SLC5A10: variants seen among roughly 807,000 people sequenced by gnomAD.
The protein encoded by SLC5A10 is solute carrier family 5 member 10.
In SLC5A10, 55 loss-of-function variants were observed where a neutral mutation model predicts 68.9. The ratio of observed to expected loss-of-function variants is 0.80; its 90% CI spans 0.64 to 1.00. The LOEUF is 1.00. Among genes scored for constraint, SLC5A10 ranks in the 50% least tolerant of loss-of-function variants. SLC5A10 has a pLI of 0.00. For missense variants in SLC5A10, 732 were observed against 819.3 expected, an observed-to-expected ratio of 0.89 and a Z score of 1.30; for synonymous variants, 344 against 344.8, an observed-to-expected ratio of 1.00 and a Z score of 0.02.
chr17:18,953,803 T>C (rs1254934021), intron 1 of SLC5A10: 2 of 152,648 alleles, frequency 1.3e-5, no homozygotes, highest in African/African-American at 4.8e-5. Flanking sequence ...GCATCTCAGA[T>C]TTTAGAGTTT....
chr17:18,950,740 G>A, upstream of SLC5A10: 4 of 973,994 alleles, frequency 4.1e-6, no homozygotes, highest in Non-Finnish European at 3.7e-6. Flanking sequence ...TTGTGAGATG[G>A]AGTCTCCCTC....
intron 11 of SLC5A10, among the ~76,000 whole-genome samples, chr17:19,016,457 C>T (rs1321771181): frequency 6.6e-6 from 1 of 152,148 alleles, no homozygotes; most frequent in African/African-American, 2.4e-5. Context: ...CAGTGTGGCT[C>T]ACACTCTGCT....
At chr17:18,962,408 C>G (rs2042628903) in intron 5 of SLC5A10, among the ~76,000 whole-genome samples, 1 of 152,078 alleles carries the variant, frequency 6.6e-6, no homozygotes, top group Non-Finnish European at 1.5e-5. Flanking sequence ...CTAAGTCAGA[C>G]ACTTCTGGGG....
chr17:18,977,730 G>A lies in SLC5A10; in HGVS notation c.982+741G>A, dbSNP rs201669881. 5.2e-5 allele frequency: 84 copies of A among 1,608,232 alleles called. 1 individual carries two copies. Among genetic ancestry groups the A allele is most frequent in the Admixed American group, 2.4e-4 (14 of 59,516 alleles). On this transcript the variant is annotated intron_variant, in intron 9 of 14. Transcript: ENST00000395645. ...ATATGGGGGGCACTCAGCTGCCGGC[G>A]CGGTGGTGGGGTTGGCCCGTTGGCC...
Position 19,019,910 on chromosome 17 carries a change from AC to A in SLC5A10, c.1613del (p.Pro538HisfsTer124). 6.2e-7 allele frequency: 1 copy of A among 1,606,684 alleles called. No homozygotes were observed. The highest frequency in any genetic ancestry group is 8.5e-7 in the Non-Finnish European group (1 of 1,177,758). ...TGGTGGCTGGAAGCCTGCTGACCCCACCCCCACAGAGTGTCCAGGTGAGCCA... is the reference window on the plus strand; with the variant it reads ...TGGTGGCTGGAAGCCTGCTGACCCCACCCCACAGAGTGTCCAGGTGAGCCA... ...VVVAGSLLTP[P>X]PQSVQIENLT... is the part of the protein sequence containing the mutation. On this transcript the variant is annotated frameshift_variant, in exon 13 of 15. Coordinates refer to ENST00000395645, the MANE Select transcript of SLC5A10 (RefSeq NM_001042450.4). LOFTEE classifies it high-confidence loss of function.
intron 9 of SLC5A10, among the ~76,000 whole-genome samples, chr17:19,011,092 G>C (rs2152150435): frequency 6.6e-6 from 1 of 152,338 alleles, no homozygotes; most frequent in South Asian, 2.1e-4. Flanking sequence ...CTGGGACTTG[G>C]AGATGATTCA....
intron 3 of SLC5A10, 120 bp downstream of exon 3, chr17:18,959,359 G>A: frequency 1.8e-6 from 2 of 1,093,334 alleles, no homozygotes; most frequent in South Asian, 2.8e-5. Context: ...GCTCTGTGCA[G>A]TGCTGTTCCT....
rs149122071 is a variant in SLC5A10, at chr17:18,975,411, C to T, written c.847-1443C>T. ...AGTAAGTTAAAATCACGGAGGCAGC[C>T]GGATGCGGTGGCTCACACCTGTAAT... On this transcript the variant is annotated intron_variant, in intron 8 of 14. Transcript: ENST00000395645. 2.0e-5 allele frequency among the ~76,000 whole-genome samples: 3 copies of T among 152,262 alleles called. No individual in the cohort carries two copies. In the East Asian group the frequency reaches 5.8e-4, roughly 29 times the overall value.
At chr17:18,966,777 CGGTTGCTCCT>C (rs976425191) in intron 5 of SLC5A10, among the ~76,000 whole-genome samples, 1 of 142,640 alleles carries the variant, frequency 7.0e-6, no homozygotes, top group African/African-American at 2.5e-5. Context: ...CAACACTCTG[CGGTTGCTCCT>C]GGGTCACTGG....
chr17:18,971,065 C>A lies in SLC5A10; in HGVS notation c.693C>A (p.Ala231=), dbSNP rs1029477333. The change falls in exon 8 of 15, where the codon GCC becomes GCA. Residue 231 remains alanine (A), a synonymous_variant. Coordinates refer to ENST00000395645, the MANE Select transcript of SLC5A10 (RefSeq NM_001042450.4). This position sits in a 1 kb window ranked among gnomAD's most constrained non-coding sequence, Gnocchi z 5.5. Reference sequence around the variant, plus strand: ...AGCTGGAGGCAGCCTACGCCCAGGCCATTCCCTCCAGGACCATTGCCAACA... The same window carrying A: ...AGCTGGAGGCAGCCTACGCCCAGGCAATTCCCTCCAGGACCATTGCCAACA... ...YGQLEAAYAQ[A]IPSRTIANTT... 6.2e-7 allele frequency: 1 copy of A among 1,614,112 alleles called. No individual in the cohort carries two copies.
chr17:19,001,065 A>C (rs75511380), intron 9 of SLC5A10, among the ~76,000 whole-genome samples: 1,917 of 152,338 alleles, frequency 0.013, 36 homozygotes, highest in African/African-American at 0.042. Context: ...AGAACTAGCT[A>C]GGTGACCTTG....
At chr17:18,994,638 C>T (rs113369484) in intron 9 of SLC5A10, among the ~76,000 whole-genome samples, 18 of 152,282 alleles carry the variant, frequency 1.2e-4, no homozygotes, top group African/African-American at 4.1e-4. Context: ...AGTGTATGTG[C>T]CCCCAGCCAG....
chr17:18,963,285 C>T (rs1049515906), intron 5 of SLC5A10, among the ~76,000 whole-genome samples: 6 of 152,220 alleles, frequency 3.9e-5, no homozygotes, highest in African/African-American at 9.6e-5. Context: ...CAGGTCACAG[C>T]GAGTCAGGCA....
chr17:18,980,343 C>T (rs768667083), intron 9 of SLC5A10, among the ~76,000 whole-genome samples: 1 of 152,092 alleles, frequency 6.6e-6, no homozygotes, highest in Admixed American at 6.5e-5. Context: ...AATTCTGTGC[C>T]GGCTTACACT....
rs768690321 is a variant in SLC5A10 at position 18,971,577 on chromosome 17, G to T, written c.846+359G>T. On this transcript the variant is annotated intron_variant, in intron 8 of 14. Transcript: ENST00000395645. This position sits in a 1 kb window ranked among gnomAD's most constrained non-coding sequence, Gnocchi z 5.5. Reference sequence around the variant, plus strand: ...CTGCCGGGATCCGGAAGCAGGCGGGGTACCTGACCTCCCTTGGCCTGCCAG... The same window carrying T: ...CTGCCGGGATCCGGAAGCAGGCGGGTTACCTGACCTCCCTTGGCCTGCCAG... The T allele has an allele frequency of 4.3e-6, 7 of 1,613,688 alleles. No homozygotes were observed. Among genetic ancestry groups the T allele is most frequent in the Non-Finnish European group, 5.9e-6 (7 of 1,180,018 alleles).
At chr17:18,973,921 C>A (rs965556484) in intron 8 of SLC5A10, among the ~76,000 whole-genome samples, 1 of 97,978 alleles carries the variant, frequency 1.0e-5, no homozygotes, top group Non-Finnish European at 2.0e-5. Context: ...GAGACATAGT[C>A]TTGTTCTGTC....
chr17:19,005,153 G>T (rs1350662484), intron 9 of SLC5A10, among the ~76,000 whole-genome samples: 1 of 152,226 alleles, frequency 6.6e-6, no homozygotes, highest in Non-Finnish European at 1.5e-5. Context: ...GTGGAAACAG[G>T]TCTAGGGTAC....
intron 9 of SLC5A10, chr17:18,977,681 G>C: frequency 6.2e-7 from 1 of 1,610,622 alleles, no homozygotes; most frequent in Non-Finnish European, 8.5e-7. Flanking sequence ...GCCACCCTGG[G>C]GTCCAACAAA....
At chr17:18,970,065 T>C (rs1250991093) in intron 7 of SLC5A10, 1 of 152,270 alleles carries the variant, frequency 6.6e-6, no homozygotes, top group Non-Finnish European at 1.5e-5. Context: ...TTCTAACCCT[T>C]GAATGGCACT....
Sources: gnomAD v4.1 joint callset for allele counts (sites outside exome capture counted in the v4.1 genomes callset) on GRCh38, gnomAD v4.1.1 for gene constraint, Gnocchi (gnomAD v3.1) non-coding constraint, MANE v1.5 for transcripts, NCBI Gene and HGNC (gene_info 2026-07-23, HGNC 2026-07-21) for gene names.